ZMYM2: variants seen among roughly 807,000 people sequenced by gnomAD.
ZMYM2 encodes zinc finger MYM-type containing 2.
Under a neutral mutation model 162.8 loss-of-function variants are expected in ZMYM2, and 56 were observed. That is an observed-to-expected ratio of 0.34 (90% CI 0.28 to 0.43). The LOEUF (loss-of-function observed/expected upper bound fraction) is 0.43. ZMYM2 is among the 20% of genes least tolerant of loss of function. The pLI is 1.00. For missense variants in ZMYM2, 1,275 were observed against 1,621.8 expected, an observed-to-expected ratio of 0.79 and a Z score of 3.67; for synonymous variants, 510 against 541.6, an observed-to-expected ratio of 0.94 and a Z score of 0.81.
chr13:20,004,455 C>G (rs1368244778), intron 4 of ZMYM2, among the ~76,000 whole-genome samples: 1 of 152,002 alleles, frequency 6.6e-6, no homozygotes, highest in Non-Finnish European at 1.5e-5. Context: ...CGGGGTTTCA[C>G]CATGTTAGCC....
chr13:20,021,294 C>T (rs1236128553), intron 7 of ZMYM2, among the ~76,000 whole-genome samples: 1 of 151,656 alleles, frequency 6.6e-6, no homozygotes, highest in African/African-American at 2.4e-5. Flanking sequence ...TCATATCTGC[C>T]ATTTCTAGAT....
chr13:20,015,935 A>G (rs2140119167), intron 6 of ZMYM2, among the ~76,000 whole-genome samples: 1 of 152,222 alleles, frequency 6.6e-6, no homozygotes, highest in East Asian at 1.9e-4. Flanking sequence ...TATCCGATCA[A>G]AAAGCAGAAA....
At chr13:19,933,000 G>T in the ZMYM2 span, among the ~76,000 whole-genome samples, 1 of 152,116 alleles carries the variant, frequency 6.6e-6, no homozygotes, top group Admixed American at 6.6e-5. Flanking sequence ...CCAGACTGGA[G>T]TGCAGTGGTG....
chr13:20,059,408 T>A, intron 15 of ZMYM2, 39 bp from the exon 16 acceptor site: 1 of 1,606,950 alleles, frequency 6.2e-7, no homozygotes. Context: ...ATATAAGTGT[T>A]AGTTAACATT....
chr13:19,870,045 C>A, the ZMYM2 span, among the ~76,000 whole-genome samples: 1 of 152,200 alleles, frequency 6.6e-6, no homozygotes, highest in African/African-American at 2.4e-5. Flanking sequence ...GGGCTGCAGT[C>A]GTATGAAGGC....
the ZMYM2 span, among the ~76,000 whole-genome samples, chr13:19,893,013 G>A: frequency 2.6e-5 from 4 of 151,488 alleles, no homozygotes; most frequent in Non-Finnish European, 5.9e-5. Flanking sequence ...ATGCCTGGCC[G>A]GGAGTTATTT....
chr13:20,008,845 A>G (rs1188120112), intron 6 of ZMYM2, among the ~76,000 whole-genome samples: 1 of 152,218 alleles, frequency 6.6e-6, no homozygotes, highest in African/African-American at 2.4e-5. Context: ...ATGAAAATAA[A>G]TGAATTAAAT....
At chr13:19,887,248 G>C in the ZMYM2 span, among the ~76,000 whole-genome samples, 5 of 151,804 alleles carry the variant, frequency 3.3e-5, no homozygotes, top group Non-Finnish European at 7.4e-5. Context: ...TTATATCATA[G>C]CTGGGAGTGG....
At chr13:19,889,422 G>A in the ZMYM2 span, among the ~76,000 whole-genome samples, 13 of 151,944 alleles carry the variant, frequency 8.6e-5, 1 homozygote, top group South Asian at 2.1e-3. Flanking sequence ...GGGTTCAAGC[G>A]AATTCTCCTG....
chr13:20,024,893 G>A (rs576364952), intron 7 of ZMYM2: 1 of 215,770 alleles, frequency 4.6e-6, no homozygotes, highest in Non-Finnish European at 9.3e-6. Flanking sequence ...TCCTTTAGTT[G>A]ATATTTCAGT....
chr13:19,876,632 T>C, the ZMYM2 span, among the ~76,000 whole-genome samples: 78 of 152,148 alleles, frequency 5.1e-4, no homozygotes, highest in Non-Finnish European at 1.0e-3. Flanking sequence ...CTAAAATTTT[T>C]CAAAAAGTAT....
At chr13:19,913,939 G>C in the ZMYM2 span, among the ~76,000 whole-genome samples, 1 of 152,130 alleles carries the variant, frequency 6.6e-6, no homozygotes, top group African/African-American at 2.4e-5. Flanking sequence ...AACAGTTGCA[G>C]TACTGCAGCC....
chr13:20,038,192 T>A (rs2140387592), intron 12 of ZMYM2, among the ~76,000 whole-genome samples: 1 of 152,348 alleles, frequency 6.6e-6, no homozygotes, highest in South Asian at 2.1e-4. Context: ...ACTCTACTAT[T>A]GGTAGGCATT....
chr13:19,989,281 T>C (rs1949419761), intron 2 of ZMYM2, among the ~76,000 whole-genome samples: 1 of 152,158 alleles, frequency 6.6e-6, no homozygotes, highest in Non-Finnish European at 1.5e-5. Context: ...TAGGTGTATT[T>C]ATGAGTTACA....
At chr13:19,980,599 A>G (rs548620374) in intron 2 of ZMYM2, among the ~76,000 whole-genome samples, 6 of 151,960 alleles carry the variant, frequency 3.9e-5, no homozygotes, top group African/African-American at 1.4e-4. Context: ...TAAAAATACA[A>G]AAAGTTAGCT....
the ZMYM2 span, among the ~76,000 whole-genome samples, chr13:19,942,108 A>C: frequency 4.6e-5 from 7 of 152,046 alleles, no homozygotes; most frequent in Non-Finnish European, 1.0e-4. Context: ...CATAATTACC[A>C]AACCGAGTAT....
chr13:19,933,604 G>A, the ZMYM2 span, among the ~76,000 whole-genome samples: 1 of 152,162 alleles, frequency 6.6e-6, no homozygotes, highest in African/African-American at 2.4e-5. Flanking sequence ...CACCTGTTAA[G>A]ATGCAAAGGA....
intron 11 of ZMYM2, among the ~76,000 whole-genome samples, chr13:20,035,394 T>C (rs1386030268): frequency 6.6e-6 from 1 of 152,184 alleles, no homozygotes; most frequent in Non-Finnish European, 1.5e-5. Context: ...ACATTTCACC[T>C]GGAATGGAAA....
intron 2 of ZMYM2, among the ~76,000 whole-genome samples, chr13:19,987,265 C>T (rs766891915): frequency 1.4e-4 from 21 of 151,490 alleles, no homozygotes; most frequent in Non-Finnish European, 2.9e-4. Flanking sequence ...CAATGCAGCT[C>T]TTATTTTTTT....
Sources: gnomAD v4.1 joint callset for allele counts (sites outside exome capture counted in the v4.1 genomes callset) on GRCh38, gnomAD v4.1.1 for gene constraint, MANE v1.5 for transcripts, NCBI Gene and HGNC (gene_info 2026-07-23, HGNC 2026-07-21) for gene names.